The following EFCAB10 variants were observed in gnomAD, a reference collection of about 807,000 sequenced individuals.
The protein encoded by EFCAB10 is EF-hand calcium binding domain 10, also known as EF-hand calcium-binding domain-containing protein 10.
Under a neutral mutation model 7.7 loss-of-function variants are expected in EFCAB10, and 7 were observed. That is an observed-to-expected ratio of 0.91 (90% confidence interval 0.52 to 1.72). The LOEUF is 1.72. Ranked by LOEUF, EFCAB10 falls within the 40% of genes most tolerant of loss-of-function variation. The probability of loss-of-function intolerance (pLI) is 0.00; values close to 1 mark genes in which losing one functional copy is unlikely to be tolerated. For missense variants in EFCAB10, 112 were observed against 61.5 expected (o/e 1.82, Z -2.74); for synonymous variants, 52 against 21.0 (o/e 2.47, Z -4.03).
intron 1 of EFCAB10, among the ~76,000 whole-genome samples, chr7:105,570,268 T>TATATATATATATATATATATAC (rs1188257284): frequency 9.0e-5 from 6 of 66,454 alleles, no homozygotes; most frequent in South Asian, 5.4e-4. Context: ...TATATATATA[T>TATATATATATATATATATATAC]ACACACACAC....
At chr7:105,565,679 T>C in intron 4 of EFCAB10, 2 of 1,388,218 alleles carry the variant, frequency 1.4e-6, no homozygotes, top group Non-Finnish European at 2.0e-6. Context: ...TTAATATTAA[T>C]GTATCAAATT....
chr7:105,578,692 A>C (rs1036510892), intron 1 of EFCAB10, among the ~76,000 whole-genome samples: 1 of 152,214 alleles, frequency 6.6e-6, no homozygotes, highest in Non-Finnish European at 1.5e-5. Context: ...AATTCTTCAG[A>C]GCAACATGAG....
At chr7:105,573,029 G>A (rs1352118339) in intron 1 of EFCAB10, 1 of 149,016 alleles carries the variant, frequency 6.7e-6, no homozygotes. Flanking sequence ...TAACTATTGA[G>A]GTCTGACATG....
At chr7:105,580,559 TTTTC>T (rs1792199574) in intron 1 of EFCAB10, among the ~76,000 whole-genome samples, 2 of 152,138 alleles carry the variant, frequency 1.3e-5, no homozygotes, top group South Asian at 2.1e-4. Flanking sequence ...CGGCCTTTTT[TTTTC>T]TTTCTAATAT....
rs35971380 is a variant in EFCAB10, at chr7:105,565,393, T to C, written c.*54A>G. ...CTTCAGTTGGAGCAGCAGCTTTGTTTCTCCTTATTTAAAATTTTCTGGCAA... is the reference window on the plus strand; with the variant it reads ...CTTCAGTTGGAGCAGCAGCTTTGTTCCTCCTTATTTAAAATTTTCTGGCAA... On this transcript the variant is annotated 3_prime_UTR_variant, in exon 5 of 5. Transcript: ENST00000480514. The C allele has an allele frequency of 5.5e-4, 892 of 1,614,146 alleles. 2 individuals are homozygous for C. The African/African-American group carries it at 0.011, about 20-fold the overall frequency.
intron 3 of EFCAB10, among the ~76,000 whole-genome samples, chr7:105,567,943 CTGAT>C (rs1791835249): frequency 6.6e-6 from 1 of 152,176 alleles, no homozygotes; most frequent in South Asian, 2.1e-4. Flanking sequence ...ACAGTGAGCT[CTGAT>C]TGTGACACGG....
At chr7:105,580,381 A>G (rs934998444) in intron 1 of EFCAB10, among the ~76,000 whole-genome samples, 8 of 152,290 alleles carry the variant, frequency 5.3e-5, no homozygotes, top group African/African-American at 1.7e-4. Context: ...CATGTTGGCC[A>G]GGCTGGTCTC....
At chr7:105,576,928 C>T (rs927094262) in intron 1 of EFCAB10, among the ~76,000 whole-genome samples, 7 of 152,074 alleles carry the variant, frequency 4.6e-5, no homozygotes, top group Admixed American at 3.9e-4. Flanking sequence ...GTGGTTTGCA[C>T]CTGTAATCCC....
chr7:105,567,629 A>G (rs1586279938), intron 3 of EFCAB10, 139 bp from the exon 4 acceptor site: 2 of 555,400 alleles, frequency 3.6e-6, no homozygotes, highest in East Asian at 5.8e-5. Context: ...ATTAAGGGAA[A>G]TTCTGTTGTG....
At chr7:105,570,537 T>C (rs1262161208) in intron 1 of EFCAB10, among the ~76,000 whole-genome samples, 2 of 151,816 alleles carry the variant, frequency 1.3e-5, no homozygotes, top group Non-Finnish European at 2.9e-5. Flanking sequence ...TCCTGCTGCC[T>C]GACCATTTTA....
chr7:105,571,157 A>C (rs1039598012), intron 1 of EFCAB10: 4 of 152,236 alleles, frequency 2.6e-5, no homozygotes, highest in African/African-American at 9.6e-5. Flanking sequence ...CTACAGCCCT[A>C]TCCACATCAA....
At position 105,568,469 on chromosome 7, in the gene EFCAB10, T is replaced by G. The variant is rs1039951694; in HGVS notation, c.359+734A>C. On this transcript the variant is annotated intron_variant, in intron 3 of 4. Transcript: ENST00000480514. ...TATCAGACTAACATGCAGCCTATGC[T>G]TCTGATAAACATTTACTTTGTGATA... Among the ~76,000 whole-genome samples, 3 of 152,230 alleles carry G rather than the reference T, an allele frequency of 2.0e-5. No homozygotes were observed. In the East Asian group the frequency reaches 5.8e-4, roughly 29 times the overall value.
intron 4 of EFCAB10, 130 bp downstream of exon 4, chr7:105,567,337 G>GT (rs1562864483): frequency 2.6e-6 from 4 of 1,522,268 alleles, no homozygotes; most frequent in Non-Finnish European, 3.6e-6. Context: ...GGTTTCTTTG[G>GT]TTTTTGTTTC....
chr7:105,567,842 C>A (rs993243168), intron 3 of EFCAB10, among the ~76,000 whole-genome samples: 2 of 151,766 alleles, frequency 1.3e-5, no homozygotes, highest in African/African-American at 4.8e-5. Flanking sequence ...AACATCCTGG[C>A]CAACATGTCA....
At position 105,578,044 on chromosome 7, in the gene EFCAB10, G is replaced by A. The variant is rs1485343392; in HGVS notation, c.106+3314C>T. ...CTCCCAAAGTGCTGGGATTATAGGC[G>A]TGAGCCACCATCCCAAGCCTGTCTT... On this transcript the variant is annotated intron_variant, in intron 1 of 4. Transcript: ENST00000480514. 6.6e-5 allele frequency among the ~76,000 whole-genome samples: 10 copies of A among 152,164 alleles called. No homozygotes were observed. The East Asian group carries it at 7.7e-4, about 12-fold the overall frequency.
chr7:105,578,355 C>G (rs1269247226), intron 1 of EFCAB10, among the ~76,000 whole-genome samples: 1 of 152,106 alleles, frequency 6.6e-6, no homozygotes, highest in African/African-American at 2.4e-5. Flanking sequence ...AAATTGCATT[C>G]TTCTGATAAA....
intron 1 of EFCAB10, among the ~76,000 whole-genome samples, chr7:105,580,001 G>GT (rs926125882): frequency 0.011 from 1,592 of 147,814 alleles, 21 homozygotes; most frequent in African/African-American, 0.037. Context: ...TTTATTTTTA[G>GT]TTTTTTTTTT....
At chr7:105,577,732 T>C (rs570044164) in intron 1 of EFCAB10, among the ~76,000 whole-genome samples, 28 of 151,774 alleles carry the variant, frequency 1.8e-4, no homozygotes, top group African/African-American at 3.6e-4. Context: ...TTTTTTTTTT[T>C]CCTTGAGGCA....
chr7:105,567,625 G>T, intron 3 of EFCAB10, 135 bp from the exon 4 acceptor site: 2 of 548,108 alleles, frequency 3.6e-6, no homozygotes, highest in East Asian at 2.9e-5. Context: ...GCTAATTAAG[G>T]GAAATTCTGT....
Sources: gnomAD v4.1 joint callset for allele counts (sites outside exome capture counted in the v4.1 genomes callset) on GRCh38, gnomAD v4.1.1 for gene constraint, MANE v1.5 for transcripts, NCBI Gene and HGNC (gene_info 2026-07-23, HGNC 2026-07-21) for gene names.